XRCC4: variants seen among roughly 807,000 people sequenced by gnomAD.
XRCC4 encodes the protein DNA repair protein XRCC4.
Under a neutral mutation model 39.1 loss-of-function variants are expected in XRCC4, and 28 were observed. The observed-to-expected ratio is 0.72, with a 90% confidence interval of 0.53 to 0.98. XRCC4 has a LOEUF of 0.98. Ranked by LOEUF, XRCC4 falls within the 50% of genes least tolerant of loss-of-function variation. XRCC4 has a pLI of 0.00. For missense variants in XRCC4, 350 were observed against 376.4 expected (o/e 0.93, Z 0.58); for synonymous variants, 123 against 126.4 (o/e 0.97, Z 0.18).
intron 7 of XRCC4, among the ~76,000 whole-genome samples, chr5:83,321,932 A>C (rs574008969): frequency 6.6e-6 from 1 of 151,268 alleles, no homozygotes; most frequent in Admixed American, 6.6e-5. Context: ...AGTGTCTGAG[A>C]GATTCAGTTG....
intron 3 of XRCC4, among the ~76,000 whole-genome samples, chr5:83,177,031 A>C (rs1282034366): frequency 6.6e-6 from 1 of 152,224 alleles, no homozygotes; most frequent in Non-Finnish European, 1.5e-5. Flanking sequence ...TAATATTAGC[A>C]TATATGATAG....
chr5:83,346,301 C>A (rs1561485759), intron 7 of XRCC4, among the ~76,000 whole-genome samples: 2 of 152,222 alleles, frequency 1.3e-5, no homozygotes, highest in East Asian at 3.9e-4. Flanking sequence ...CTTATAATAA[C>A]CTCAACCTTC....
At chr5:83,200,401 A>G (rs893339706) in intron 4 of XRCC4, among the ~76,000 whole-genome samples, 1 of 152,188 alleles carries the variant, frequency 6.6e-6, no homozygotes, top group African/African-American at 2.4e-5. Flanking sequence ...GTTAACTCAC[A>G]TGATACCATT....
intron 3 of XRCC4, among the ~76,000 whole-genome samples, chr5:83,173,239 G>GT (rs934929962): frequency 6.6e-6 from 1 of 152,106 alleles, no homozygotes; most frequent in Non-Finnish European, 1.5e-5. Flanking sequence ...CAGTCTTGAT[G>GT]TTGGGAGTCT....
intron 3 of XRCC4, among the ~76,000 whole-genome samples, chr5:83,166,977 G>A (rs921008183): frequency 2.0e-5 from 3 of 151,786 alleles, no homozygotes; most frequent in Non-Finnish European, 2.9e-5. Flanking sequence ...TGCCTCCCGG[G>A]TTCAAACAAT....
intron 3 of XRCC4, among the ~76,000 whole-genome samples, chr5:83,120,490 T>C (rs148777952): frequency 5.7e-4 from 87 of 152,364 alleles, no homozygotes; most frequent in Admixed American, 1.8e-3. Flanking sequence ...CTGCTTTCTT[T>C]CGTTATAGAT....
intron 1 of XRCC4, among the ~76,000 whole-genome samples, chr5:83,087,563 T>C (rs2112301518): frequency 6.6e-6 from 1 of 152,046 alleles, no homozygotes; most frequent in Non-Finnish European, 1.5e-5. Context: ...CTCAGTAGGC[T>C]GAGGCAGGGG....
chr5:83,176,105 G>A (rs769206766), intron 3 of XRCC4, among the ~76,000 whole-genome samples: 19 of 152,074 alleles, frequency 1.2e-4, no homozygotes, highest in Admixed American at 2.0e-4. Flanking sequence ...ATAGCTACCC[G>A]TATCTTGATT....
rs1393604192 is a variant in XRCC4 at position 83,124,944 on chromosome 5, CTA to C, written c.315+13743_315+13744del. ...TACATTGTTTTCCCAAATGGGTGTACTATTTTACATTCTTACCAGAAATATAT... is the reference window on the plus strand; with the variant it reads ...TACATTGTTTTCCCAAATGGGTGTACTTTTACATTCTTACCAGAAATATAT... On this transcript the variant is annotated intron_variant, in intron 3 of 7. Coordinates refer to ENST00000396027, the MANE Select transcript of XRCC4 (RefSeq NM_003401.5). Among the ~76,000 whole-genome samples the C allele has an allele frequency of 4.6e-5, 7 of 152,142 alleles. No individual in the cohort carries two copies. In the South Asian group the frequency reaches 8.3e-4, roughly 18 times the overall value.
chr5:83,323,527 A>T (rs1389671104), intron 7 of XRCC4, among the ~76,000 whole-genome samples: 1 of 152,088 alleles, frequency 6.6e-6, no homozygotes, highest in African/African-American at 2.4e-5. Context: ...ATAATTACCA[A>T]TTCCTCAAAT....
intron 7 of XRCC4, among the ~76,000 whole-genome samples, chr5:83,337,590 G>A (rs911136960): frequency 6.6e-6 from 1 of 152,158 alleles, no homozygotes; most frequent in African/African-American, 2.4e-5. Context: ...GCTTTTGGAT[G>A]GCTCTCAGCC....
chr5:83,122,110 T>G (rs929483795), intron 3 of XRCC4, among the ~76,000 whole-genome samples: 126 of 152,318 alleles, frequency 8.3e-4, no homozygotes, highest in African/African-American at 2.9e-3. Context: ...TGAAATCATG[T>G]AGTATAACTT....
chr5:83,293,702 T>C (rs999367278), intron 7 of XRCC4, among the ~76,000 whole-genome samples: 3 of 151,992 alleles, frequency 2.0e-5, no homozygotes, highest in African/African-American at 7.2e-5. Context: ...CACTCCTGCA[T>C]TTTCTGTATT....
At chr5:83,264,239 CA>C (rs1753874361) in intron 7 of XRCC4, among the ~76,000 whole-genome samples, 1 of 152,016 alleles carries the variant, frequency 6.6e-6, no homozygotes, top group Non-Finnish European at 1.5e-5. Flanking sequence ...TTGTAGCTTC[CA>C]AACCAAAGTG....
chr5:83,293,063 T>C (rs749739855), intron 7 of XRCC4, among the ~76,000 whole-genome samples: 1 of 151,958 alleles, frequency 6.6e-6, no homozygotes. Context: ...TAATTTTACA[T>C]GTAAATAAGG....
rs890598303 is a variant in XRCC4, at chr5:83,274,005, T to C, written c.893+15328T>C. On this transcript the variant is annotated intron_variant, in intron 7 of 7. Coordinates refer to ENST00000396027, the MANE Select transcript of XRCC4 (RefSeq NM_003401.5). ...GCTCCTGTGTCTGGGCTCACCACTA[T>C]GTGAGCAAGCTACTTAATGAGTCTA... 2.6e-5 allele frequency among the ~76,000 whole-genome samples: 4 copies of C among 152,072 alleles called. No individual in the cohort carries two copies. In the East Asian group the frequency reaches 7.7e-4, roughly 29 times the overall value.
At chr5:83,305,727 C>A (rs1391806768) in intron 7 of XRCC4, among the ~76,000 whole-genome samples, 3 of 152,126 alleles carry the variant, frequency 2.0e-5, no homozygotes, top group Non-Finnish European at 4.4e-5. Context: ...GTTAAATCTA[C>A]TCTCCTGACC....
chr5:83,116,677 A>G (rs1746737654), intron 3 of XRCC4, among the ~76,000 whole-genome samples: 1 of 133,768 alleles, frequency 7.5e-6, no homozygotes, highest in African/African-American at 2.8e-5. Flanking sequence ...GCTGGAGTGC[A>G]ATGGTGCAAT....
At chr5:83,292,422 A>T (rs1318685878) in intron 7 of XRCC4, among the ~76,000 whole-genome samples, 6 of 152,006 alleles carry the variant, frequency 3.9e-5, no homozygotes, top group Non-Finnish European at 5.9e-5. Flanking sequence ...CTGCTGAAGA[A>T]TTCAGTGTTT....
Sources: allele counts gnomAD v4.1 joint callset (sites outside exome capture counted in the v4.1 genomes callset), GRCh38; gene constraint gnomAD v4.1.1; transcripts MANE v1.5; gene names NCBI Gene and HGNC (gene_info 2026-07-23, HGNC 2026-07-21).